The following FAR2 variants were observed in gnomAD, a reference collection of about 807,000 sequenced individuals.
FAR2 encodes fatty acyl-CoA reductase 2, also known as epididymis secretory protein Li 81.
In FAR2, 19 loss-of-function variants were observed where a neutral mutation model predicts 56.0. That is an observed-to-expected ratio of 0.34 (90% confidence interval 0.24 to 0.50). FAR2 has a LOEUF of 0.50. Ranked by LOEUF, FAR2 falls within the 20% of genes least tolerant of loss-of-function variation. The pLI, the probability that FAR2 is intolerant of heterozygous loss-of-function variation, is 0.98. For synonymous variants in FAR2, 219 were observed against 218.8 expected (o/e 1.00, Z -0.01); for missense variants, 508 against 642.2 (o/e 0.79, Z 2.26).
chr12:29,243,637 C>A (rs1220674304), intron 1 of FAR2, among the ~76,000 whole-genome samples: 2 of 151,936 alleles, frequency 1.3e-5, no homozygotes, highest in Non-Finnish European at 2.9e-5. Context: ...GTTGATATAT[C>A]CTGGTCATTT....
intron 1 of FAR2, among the ~76,000 whole-genome samples, chr12:29,251,774 T>A (rs998667180): frequency 6.6e-6 from 1 of 152,046 alleles, no homozygotes; most frequent in Non-Finnish European, 1.5e-5. Flanking sequence ...AATACCACCA[T>A]CACGGATTGT....
chr12:29,247,017 C>A (rs892804687), intron 1 of FAR2, among the ~76,000 whole-genome samples: 2 of 152,168 alleles, frequency 1.3e-5, no homozygotes. Flanking sequence ...TAACTAATAA[C>A]TAACATACAG....
At chr12:29,323,184 G>C (rs558073066) in intron 10 of FAR2, among the ~76,000 whole-genome samples, 2 of 152,354 alleles carry the variant, frequency 1.3e-5, no homozygotes, top group Admixed American at 6.5e-5. Context: ...CTGCAAGGCA[G>C]CAGTGAGGCT....
intron 1 of FAR2, among the ~76,000 whole-genome samples, chr12:29,198,270 G>A (rs959154000): frequency 1.4e-4 from 22 of 151,776 alleles, no homozygotes; most frequent in South Asian, 4.2e-4. Context: ...CTTTGTTGCC[G>A]GGCTGGAGTG....
chr12:29,293,562 C>T, intron 3 of FAR2, 87 bp downstream of exon 3: 2 of 1,213,078 alleles, frequency 1.6e-6, no homozygotes, highest in Admixed American at 3.0e-5. Flanking sequence ...AAGAAATACA[C>T]TCTAAACAAA....
chr12:29,306,568 C>T (rs752859405), intron 4 of FAR2, among the ~76,000 whole-genome samples: 29 of 152,162 alleles, frequency 1.9e-4, no homozygotes, highest in African/African-American at 3.4e-4. Context: ...AGAAAAATCA[C>T]ACTAGCATAT....
intron 1 of FAR2, chr12:29,151,471 G>A (rs921978170): frequency 6.6e-6 from 1 of 152,086 alleles, no homozygotes; most frequent in African/African-American, 2.4e-5. Flanking sequence ...CAGCTTCATG[G>A]AAATACAAAA....
intron 1 of FAR2, among the ~76,000 whole-genome samples, chr12:29,264,152 G>T (rs1948472310): frequency 6.6e-6 from 1 of 152,054 alleles, no homozygotes; most frequent in Non-Finnish European, 1.5e-5. Context: ...TCCAAGGGAG[G>T]CAAGGATGGC....
intron 1 of FAR2, among the ~76,000 whole-genome samples, chr12:29,258,150 C>CCTGA (rs1203599372): frequency 6.6e-6 from 1 of 150,636 alleles, no homozygotes; most frequent in African/African-American, 2.5e-5. Flanking sequence ...TCGAGACTAG[C>CCTGA]CTGACCAACA....
rs1422394060 is a variant in FAR2, at chr12:29,279,074, C to G, written c.189+8436C>G. Among the ~76,000 whole-genome samples the G allele has an allele frequency of 2.0e-5, 3 of 152,170 alleles. No homozygotes were observed. In the East Asian group the frequency reaches 5.8e-4, roughly 29 times the overall value. ...GGGAAATTCTACTTTGCCTTTGTAA[C>G]CCATATGTCAGCTTGGGCATCCCTG... is the stretch of plus-strand genomic sequence containing the variant. On this transcript the variant is annotated intron_variant, in intron 2 of 11. Coordinates refer to ENST00000536681, the MANE Select transcript of FAR2 (RefSeq NM_001271783.2).
intron 1 of FAR2, among the ~76,000 whole-genome samples, chr12:29,257,764 C>T (rs1289483254): frequency 6.6e-6 from 1 of 152,144 alleles, no homozygotes; most frequent in Non-Finnish European, 1.5e-5. Context: ...AAACTCCGAA[C>T]ACATCTGAAC....
At chr12:29,246,491 C>A (rs1361958418) in intron 1 of FAR2, among the ~76,000 whole-genome samples, 1 of 152,018 alleles carries the variant, frequency 6.6e-6, no homozygotes, top group Non-Finnish European at 1.5e-5. Context: ...GAGTGAGATA[C>A]ACAGAAATCA....
intron 10 of FAR2, 58 bp from the exon 11 acceptor site, chr12:29,332,542 A>G: frequency 6.2e-7 from 1 of 1,605,112 alleles, no homozygotes; most frequent in South Asian, 1.1e-5. Flanking sequence ...CCTCAAGTGG[A>G]CAAAGTGACT....
chr12:29,238,637 C>T (rs1947978517), intron 1 of FAR2, among the ~76,000 whole-genome samples: 2 of 152,092 alleles, frequency 1.3e-5, no homozygotes, highest in East Asian at 3.8e-4. Context: ...GGCTATTTTA[C>T]TTATGCTAAA....
At chr12:29,200,202 G>C (rs1947388870) in intron 1 of FAR2, among the ~76,000 whole-genome samples, 1 of 152,174 alleles carries the variant, frequency 6.6e-6, no homozygotes, top group South Asian at 2.1e-4. Flanking sequence ...CTATCGGCCA[G>C]AAAGTCATTA....
intron 1 of FAR2, among the ~76,000 whole-genome samples, chr12:29,225,804 C>T (rs550155450): frequency 1.3e-5 from 2 of 152,278 alleles, no homozygotes; most frequent in South Asian, 4.1e-4. Context: ...CACCTTTTTT[C>T]AATTTCAAAA....
intron 4 of FAR2, 106 bp from the exon 5 acceptor site, chr12:29,307,552 G>C: frequency 8.6e-7 from 1 of 1,157,190 alleles, no homozygotes; most frequent in Non-Finnish European, 1.2e-6. Flanking sequence ...CTGAATTCCA[G>C]AACCGAGGCT....
chr12:29,228,048 G>A (rs1947797896), intron 1 of FAR2, among the ~76,000 whole-genome samples: 2 of 151,466 alleles, frequency 1.3e-5, no homozygotes, highest in Admixed American at 6.6e-5. Flanking sequence ...GAGTTAATGG[G>A]TGCAGCACAC....
intron 4 of FAR2, among the ~76,000 whole-genome samples, chr12:29,301,324 A>G (rs1478131086): frequency 6.6e-6 from 1 of 152,096 alleles, no homozygotes; most frequent in African/African-American, 2.4e-5. Context: ...ACCGGTTCCC[A>G]TTCTGACTCA....
Sources: allele counts gnomAD v4.1 joint callset (sites outside exome capture counted in the v4.1 genomes callset), GRCh38; gene constraint gnomAD v4.1.1; transcripts MANE v1.5; gene names NCBI Gene and HGNC (gene_info 2026-07-23, HGNC 2026-07-21).